Variants in CUX2 observed in about 807,000 individuals in gnomAD.
The protein encoded by CUX2 is cut like homeobox 2, also known as homeobox protein cut-like 2.
A neutral mutation model predicts 144.8 loss-of-function variants in CUX2; 40 were observed. The ratio of observed to expected loss-of-function variants is 0.28; its 90% CI spans 0.21 to 0.36. CUX2 has a LOEUF of 0.36. Ranked by LOEUF, CUX2 falls within the 10% of genes least tolerant of loss-of-function variation. The probability of loss-of-function intolerance (pLI) is 1.00; values close to 1 mark genes in which losing one functional copy is unlikely to be tolerated. For missense variants in CUX2, 1,615 were observed against 1,994.0 expected (o/e 0.81, Z 3.62); for synonymous variants, 827 against 875.6 (o/e 0.94, Z 0.98).
chr12:111,181,281 A>T (rs887514500), intron 1 of CUX2, among the ~76,000 whole-genome samples: 2 of 152,222 alleles, frequency 1.3e-5, no homozygotes, highest in Non-Finnish European at 2.9e-5. Context: ...TCCGCTGGGC[A>T]GGAGGCCCCT....
chr12:111,106,691 A>C (rs1873624485), intron 1 of CUX2, among the ~76,000 whole-genome samples: 2 of 152,248 alleles, frequency 1.3e-5, no homozygotes, highest in Non-Finnish European at 2.9e-5. Context: ...ATCCTGGAAG[A>C]CTTCCGCGAG....
chr12:111,125,855 AT>A (rs1028852886), intron 1 of CUX2, among the ~76,000 whole-genome samples: 17 of 152,108 alleles, frequency 1.1e-4, no homozygotes, highest in African/African-American at 4.1e-4. Context: ...AGATCTTCCA[AT>A]TTTTTTTAGA....
Position 111,077,704 on chromosome 12 carries a change from A to C in CUX2, c.63+43464A>C, listed in dbSNP as rs1871616436. Among the ~76,000 whole-genome samples, 1 of 152,094 alleles carries C rather than the reference A, an allele frequency of 6.6e-6. No homozygotes were observed. Among genetic ancestry groups the C allele is most frequent in the African/African-American group, 2.4e-5 (1 of 41,398 alleles). Reference sequence around the variant, plus strand: ...GATGGAGGCCAGCTTTATTTACAAGAGTGTTTGTTTTTTGGGGGCCATACG... The same window carrying C: ...GATGGAGGCCAGCTTTATTTACAAGCGTGTTTGTTTTTTGGGGGCCATACG... On this transcript the variant is annotated intron_variant, in intron 1 of 21. Transcript: ENST00000261726. This position sits in a 1 kb window ranked among gnomAD's most constrained non-coding sequence, Gnocchi z 4.1.
At chr12:111,087,799 G>A (rs1221877166) in intron 1 of CUX2, among the ~76,000 whole-genome samples, 1 of 152,088 alleles carries the variant, frequency 6.6e-6, no homozygotes, top group Non-Finnish European at 1.5e-5. Context: ...AAAAATGAAG[G>A]ACTATATCCT....
chr12:111,323,358 G>A (rs1184180127), intron 18 of CUX2, among the ~76,000 whole-genome samples: 4 of 152,236 alleles, frequency 2.6e-5, no homozygotes, highest in African/African-American at 7.2e-5. Flanking sequence ...CATATCAACA[G>A]GAATATGGAC....
intron 3 of CUX2, among the ~76,000 whole-genome samples, chr12:111,220,937 TAAAAAA>T (rs1162004039): frequency 5.4e-5 from 5 of 92,072 alleles, no homozygotes; most frequent in South Asian, 8.2e-4. Context: ...CCTGGTCTCT[TAAAAAA>T]AAAAAAAAAA....
intron 14 of CUX2, among the ~76,000 whole-genome samples, chr12:111,309,499 T>C (rs532404605): frequency 6.6e-6 from 1 of 152,158 alleles, no homozygotes; most frequent in Admixed American, 6.6e-5. Flanking sequence ...GAGTGGGAGT[T>C]GGAGAATGGA....
intron 1 of CUX2, among the ~76,000 whole-genome samples, chr12:111,137,565 T>G (rs1464113606): frequency 6.6e-6 from 1 of 152,108 alleles, no homozygotes; most frequent in African/African-American, 2.4e-5. Flanking sequence ...CAGGCACAAG[T>G]GCAGTGGCCC....
At chr12:111,330,734 T>TACAC (rs1565926348) in intron 18 of CUX2, among the ~76,000 whole-genome samples, 2 of 54,856 alleles carry the variant, frequency 3.6e-5, no homozygotes, top group African/African-American at 1.4e-4. Flanking sequence ...TATATATATA[T>TACAC]ATATATATAT....
intron 3 of CUX2, among the ~76,000 whole-genome samples, chr12:111,236,504 A>G (rs1399134977): frequency 6.6e-6 from 1 of 152,154 alleles, no homozygotes; most frequent in Non-Finnish European, 1.5e-5. Context: ...AGTTACACAG[A>G]GCAGATCTGC....
At chr12:111,204,885 G>C (rs1880822270) in intron 1 of CUX2, among the ~76,000 whole-genome samples, 1 of 152,166 alleles carries the variant, frequency 6.6e-6, no homozygotes, top group Non-Finnish European at 1.5e-5. Context: ...TCACACACAG[G>C]CCTGAGGCTT....
intron 2 of CUX2, among the ~76,000 whole-genome samples, chr12:111,216,004 G>A (rs1881507322): frequency 6.6e-6 from 1 of 152,252 alleles, no homozygotes; most frequent in Admixed American, 6.5e-5. Flanking sequence ...AGTCTCTCCT[G>A]ATGGAGAAAG....
intron 1 of CUX2, among the ~76,000 whole-genome samples, chr12:111,078,494 C>T (rs1197799304): frequency 6.6e-6 from 1 of 151,800 alleles, no homozygotes; most frequent in African/African-American, 2.4e-5. Context: ...TAGTGAGACC[C>T]CCATCTCTAC....
chr12:111,296,572 C>G (rs760320416), intron 8 of CUX2, 33 bp downstream of exon 8: 2 of 1,585,008 alleles, frequency 1.3e-6, no homozygotes, highest in Non-Finnish European at 1.7e-6. Flanking sequence ...TACCTCCTCC[C>G]TTGGAGGCCT....
At position 111,077,360 on chromosome 12, in the gene CUX2, G is replaced by A. The variant is rs971042569; in HGVS notation, c.63+43120G>A. 6.6e-6 allele frequency among the ~76,000 whole-genome samples: 1 copy of A among 152,098 alleles called. No homozygotes were observed. Among genetic ancestry groups the A allele is most frequent in the Admixed American group, 6.5e-5 (1 of 15,284 alleles). On this transcript the variant is annotated intron_variant, in intron 1 of 21. Transcript: ENST00000261726. The surrounding 1 kb of genome is among the most constrained non-coding windows in gnomAD (Gnocchi z 4.1). ...ATGACTCCCAGACCCCGAGTGTCTT[G>A]AACCCTAGCCTCTGGGGACTGGCGC... is the stretch of plus-strand genomic sequence containing the variant.
At chr12:111,114,323 A>G (rs775801193) in intron 1 of CUX2, among the ~76,000 whole-genome samples, 1 of 151,780 alleles carries the variant, frequency 6.6e-6, no homozygotes, top group Non-Finnish European at 1.5e-5. Context: ...TGTGGTTTTC[A>G]TTTGCATTTC....
At chr12:111,345,238 A>G (rs1439665389) in intron 21 of CUX2, among the ~76,000 whole-genome samples, 12 of 151,158 alleles carry the variant, frequency 7.9e-5, no homozygotes, top group Non-Finnish European at 1.6e-4. Context: ...TCACGAAGTC[A>G]AGAGATCGAG....
Position 111,320,016 on chromosome 12 carries a change from G to T in CUX2, c.2007G>T (p.Glu669Asp). ...KKEIESQKGG[E>D]PKTSVAPLSI... ...GTCCTGTCCCCCTCCCCGCAGGCGA[G>T]CCCAAGACCTCGGTGGCCCCGCTGA... The change falls in exon 17 of 22, where the codon GAG (glutamate) becomes GAT (aspartate). Residue 669 changes from glutamate to aspartate, a missense_variant. Glu to Asp is a conservative substitution (Grantham distance 45). This residue lies in a region of CUX2 where 390 missense variants were observed against 387.1 expected (regional missense o/e 1.01). Coordinates refer to ENST00000261726, the MANE Select transcript of CUX2 (RefSeq NM_015267.4). This position sits in a 1 kb window ranked among gnomAD's most constrained non-coding sequence, Gnocchi z 8.1. 3 of 1,523,062 alleles carry T rather than the reference G, an allele frequency of 2.0e-6. No individual in the cohort carries two copies. Among genetic ancestry groups the T allele is most frequent in the East Asian group, 5.0e-5 (2 of 40,026 alleles). 94.3% of individuals were successfully genotyped at this position (1,523,062 alleles called of 1,614,324 possible). A position where few individuals can be genotyped will look rare whatever the true frequency, so the allele number is the denominator to read the frequency against.
chr12:111,224,295 G>A (rs538573171), intron 3 of CUX2, among the ~76,000 whole-genome samples: 116 of 152,024 alleles, frequency 7.6e-4, no homozygotes, highest in Non-Finnish European at 1.3e-3. Context: ...CCTTTCTAGT[G>A]GGTCACTTCC....
Sources: allele counts gnomAD v4.1 joint callset (sites outside exome capture counted in the v4.1 genomes callset), GRCh38; gene constraint gnomAD v4.1.1; regional missense constraint gnomAD v4.1.1; non-coding constraint Gnocchi (gnomAD v3.1); transcripts MANE v1.5; gene names NCBI Gene and HGNC (gene_info 2026-07-23, HGNC 2026-07-21).